Variants in MCTP1 observed in about 807,000 individuals in gnomAD.
MCTP1 encodes multiple C2 and transmembrane domain containing 1.
Under a neutral mutation model 120.6 loss-of-function variants are expected in MCTP1, and 69 were observed. The observed-to-expected ratio is 0.57, with a 90% CI of 0.47 to 0.70. The LOEUF (loss-of-function observed/expected upper bound fraction) is 0.70, where lower values mean the gene tolerates loss of function less well. Among genes scored for constraint, MCTP1 ranks in the 30% least tolerant of loss-of-function variants. The pLI is 0.00. For synonymous variants in MCTP1, 529 were observed against 493.1 expected (o/e 1.07, Z -0.96); for missense variants, 1,203 against 1,248.8 (o/e 0.96, Z 0.55).
At chr5:94,929,503 T>A in intron 6 of MCTP1, 1 of 347,386 alleles carries the variant, frequency 2.9e-6, no homozygotes, top group Non-Finnish European at 4.0e-6. Context: ...TTTCCAAAAA[T>A]AAAAAACGAA....
intron 2 of MCTP1, among the ~76,000 whole-genome samples, chr5:94,989,556 A>C (rs1264427815): frequency 6.6e-6 from 1 of 152,192 alleles, no homozygotes; most frequent in Non-Finnish European, 1.5e-5. Context: ...ATTTAGTTTT[A>C]GTCCCCAGTC....
chr5:95,169,561 C>A lies in MCTP1; in HGVS notation c.720+114295G>T, dbSNP rs1305643467. On this transcript the variant is annotated intron_variant, in intron 1 of 22. Coordinates refer to ENST00000515393, the MANE Select transcript of MCTP1 (RefSeq NM_024717.7). ...TTGGTTGGTAGGCTATTAATTATTG[C>A]CTCAATTTAAGAGCCTGTTATTGGT... 3.3e-5 allele frequency among the ~76,000 whole-genome samples: 5 copies of A among 152,198 alleles called. No homozygotes were observed. In the East Asian group the frequency reaches 9.7e-4, roughly 29 times the overall value.
chr5:94,879,951 A>G (rs1271187259), intron 12 of MCTP1, among the ~76,000 whole-genome samples: 1 of 152,120 alleles, frequency 6.6e-6, no homozygotes, highest in East Asian at 1.9e-4. Context: ...TGCATTCTTG[A>G]GTCTTGGAAT....
chr5:95,098,381 G>C, intron 1 of MCTP1, among the ~76,000 whole-genome samples: 1 of 152,024 alleles, frequency 6.6e-6, no homozygotes, highest in East Asian at 1.9e-4. Context: ...TTTCAATTTT[G>C]TTTTAGTGTT....
At chr5:94,766,807 A>G (rs184961352) in intron 19 of MCTP1, among the ~76,000 whole-genome samples, 1 of 152,336 alleles carries the variant, frequency 6.6e-6, no homozygotes, top group East Asian at 1.9e-4. Flanking sequence ...AATGTCTCCA[A>G]ACAAAGAAGA....
chr5:94,870,289 A>T, intron 16 of MCTP1, 128 bp downstream of exon 16: 1 of 595,528 alleles, frequency 1.7e-6, no homozygotes, highest in Non-Finnish European at 3.0e-6. Context: ...CGCCATTTTC[A>T]ATAAGTAGAT....
intron 17 of MCTP1, among the ~76,000 whole-genome samples, chr5:94,830,510 T>C (rs1168120630): frequency 2.0e-5 from 3 of 152,350 alleles, no homozygotes; most frequent in East Asian, 3.9e-4. Flanking sequence ...ATTGGGACCA[T>C]TGAGGTGTCT....
At chr5:95,248,641 A>C (rs1272005498) in intron 1 of MCTP1, among the ~76,000 whole-genome samples, 1 of 152,238 alleles carries the variant, frequency 6.6e-6, no homozygotes, top group Non-Finnish European at 1.5e-5. Flanking sequence ...GCTACCTCTG[A>C]CTTTCTTCAC....
At chr5:95,036,423 A>C (rs1285017368) in intron 1 of MCTP1, among the ~76,000 whole-genome samples, 2 of 152,184 alleles carry the variant, frequency 1.3e-5, no homozygotes, top group East Asian at 3.9e-4. Flanking sequence ...TCTACAAAAC[A>C]GGCAACCACA....
intron 3 of MCTP1, among the ~76,000 whole-genome samples, chr5:94,952,171 C>CAAAAAAAAA (rs57358026): frequency 0.018 from 1,541 of 87,702 alleles, 151 homozygotes; most frequent in East Asian, 0.042. Flanking sequence ...GACTTTGTCG[C>CAAAAAAAAA]AAAAAAAAAA....
At chr5:95,247,579 T>C (rs1006622729) in intron 1 of MCTP1, among the ~76,000 whole-genome samples, 1 of 152,230 alleles carries the variant, frequency 6.6e-6, no homozygotes, top group African/African-American at 2.4e-5. Context: ...CCAGAGATTC[T>C]GGTACATTGT....
At chr5:94,777,082 CAAAT>C (rs1240176639) in intron 19 of MCTP1, among the ~76,000 whole-genome samples, 1 of 152,052 alleles carries the variant, frequency 6.6e-6, no homozygotes, top group Non-Finnish European at 1.5e-5. Flanking sequence ...TTTTATCGCT[CAAAT>C]AAAAGGGTTG....
At chr5:95,213,896 A>G (rs1359240273) in intron 1 of MCTP1, among the ~76,000 whole-genome samples, 1 of 152,240 alleles carries the variant, frequency 6.6e-6, no homozygotes, top group Non-Finnish European at 1.5e-5. Flanking sequence ...CGTTAGACCT[A>G]AAATCATAAA....
At chr5:94,930,525 C>T (rs1482258720) in intron 6 of MCTP1, among the ~76,000 whole-genome samples, 6 of 151,948 alleles carry the variant, frequency 3.9e-5, no homozygotes, top group East Asian at 1.9e-4. Context: ...CCACCCACCT[C>T]GACCTCCCAA....
chr5:95,050,939 C>T (rs1020672600), intron 1 of MCTP1, among the ~76,000 whole-genome samples: 2 of 152,068 alleles, frequency 1.3e-5, no homozygotes, highest in African/African-American at 4.8e-5. Context: ...GAGAGTACCA[C>T]GTGTAGGTTG....
rs1416117987 is a variant in MCTP1 at position 94,704,072 on chromosome 5, T to A, written c.*3424A>T. The A allele has an allele frequency of 2.6e-5, 4 of 151,552 alleles. No individual in the cohort carries two copies. In the East Asian group the frequency reaches 7.8e-4, roughly 30 times the overall value. 9.4% of individuals were successfully genotyped at this position (151,552 alleles called of 1,614,324 possible). On this transcript the variant is annotated 3_prime_UTR_variant, in exon 23 of 23. Coordinates refer to ENST00000515393, the MANE Select transcript of MCTP1 (RefSeq NM_024717.7). The stretch of plus-strand genomic sequence containing the variant: ...GAAAAAGAATTATAATTGAAAGGAA[T>A]GACACTATTGTAAGAAAGAATTTAC...
intron 1 of MCTP1, among the ~76,000 whole-genome samples, chr5:95,094,223 T>G (rs1213911188): frequency 1.3e-5 from 2 of 152,228 alleles, no homozygotes. Context: ...TTTCCTACTG[T>G]CTTCTATTTC....
At chr5:95,181,967 G>A (rs1432281414) in intron 1 of MCTP1, among the ~76,000 whole-genome samples, 1 of 152,072 alleles carries the variant, frequency 6.6e-6, no homozygotes, top group Non-Finnish European at 1.5e-5. Context: ...TTATGAAAAC[G>A]GGTCACTGAA....
intron 17 of MCTP1, among the ~76,000 whole-genome samples, chr5:94,865,875 G>C (rs1261485384): frequency 6.6e-6 from 1 of 151,792 alleles, no homozygotes; most frequent in Non-Finnish European, 1.5e-5. Context: ...TAAGGTTGTT[G>C]GGAATATGAA....
Sources: gnomAD v4.1 joint callset for allele counts (sites outside exome capture counted in the v4.1 genomes callset) on GRCh38, gnomAD v4.1.1 for gene constraint, MANE v1.5 for transcripts, NCBI Gene and HGNC (gene_info 2026-07-23, HGNC 2026-07-21) for gene names.